The following RYR3 variants were observed in gnomAD, a reference collection of about 807,000 sequenced individuals.
RYR3 encodes the protein ryanodine receptor 3.
Under a neutral mutation model 584.3 loss-of-function variants are expected in RYR3, and 207 were observed. The observed-to-expected ratio is 0.35, with a 90% CI of 0.32 to 0.40. The LOEUF (loss-of-function observed/expected upper bound fraction) is 0.40. Ranked by LOEUF, RYR3 falls within the 10% of genes least tolerant of loss-of-function variation. RYR3 has a pLI of 1.00. For synonymous variants in RYR3, 2,416 were observed against 2,248.5 expected (o/e 1.07, Z -2.11); for missense variants, 5,616 against 6,089.2 (o/e 0.92, Z 2.59).
intron 53 of RYR3, among the ~76,000 whole-genome samples, chr15:33,747,419 CTTTTTTTTTTTTTT>C (rs397854038): frequency 3.8e-4 from 27 of 71,914 alleles, no homozygotes; most frequent in Non-Finnish European, 4.8e-4. Flanking sequence ...TGTTGTCACC[CTTTTTTTTTTTTTT>C]TTTTTTTTGA....
intron 1 of RYR3, among the ~76,000 whole-genome samples, chr15:33,442,210 A>G (rs533587790): frequency 2.3e-4 from 35 of 152,240 alleles, no homozygotes; most frequent in South Asian, 8.3e-4. Context: ...ACATTAATTA[A>G]TGTAATAAAT....
chr15:33,790,870 T>G (rs1394712066), intron 67 of RYR3, among the ~76,000 whole-genome samples: 1 of 151,986 alleles, frequency 6.6e-6, no homozygotes, highest in Non-Finnish European at 1.5e-5. Flanking sequence ...GCCAACAGAA[T>G]GTTGTATCCT....
intron 27 of RYR3, 64 bp downstream of exon 27, chr15:33,636,614 G>T (rs1024714781): frequency 5.7e-6 from 8 of 1,396,396 alleles, no homozygotes; most frequent in Non-Finnish European, 7.8e-6. Context: ...AGGGAGAGCT[G>T]AGCGACCTGC....
chr15:33,533,694 T>A (rs2055073524), intron 5 of RYR3, among the ~76,000 whole-genome samples: 1 of 152,194 alleles, frequency 6.6e-6, no homozygotes, highest in Non-Finnish European at 1.5e-5. Flanking sequence ...GAACCAATGA[T>A]ACTAAATGAC....
intron 98 of RYR3, among the ~76,000 whole-genome samples, chr15:33,857,438 T>TACTC: frequency 6.6e-6 from 1 of 152,172 alleles, no homozygotes; most frequent in East Asian, 1.9e-4. Flanking sequence ...CAGTTTAACT[T>TACTC]ACTCACCTCT....
chr15:33,748,663 C>T (rs2152846531), intron 55 of RYR3, 133 bp downstream of exon 55: 1 of 782,076 alleles, frequency 1.3e-6, no homozygotes, highest in Admixed American at 2.1e-5. Flanking sequence ...AAGACGGTCA[C>T]CTTGTGCAGA....
chr15:33,847,970 A>C (rs1471837057), intron 93 of RYR3, among the ~76,000 whole-genome samples: 1 of 152,214 alleles, frequency 6.6e-6, no homozygotes, highest in Non-Finnish European at 1.5e-5. Context: ...GAGCCTTAGG[A>C]GTCCTAACTC....
intron 43 of RYR3, among the ~76,000 whole-genome samples, chr15:33,714,385 G>A (rs562153971): frequency 6.6e-6 from 1 of 152,048 alleles, no homozygotes; most frequent in South Asian, 2.1e-4. Context: ...TTGTCTTTAA[G>A]AAAATGTTTT....
At chr15:33,452,975 C>A (rs562208624) in intron 1 of RYR3, among the ~76,000 whole-genome samples, 1 of 152,298 alleles carries the variant, frequency 6.6e-6, no homozygotes, top group African/African-American at 2.4e-5. Context: ...AGCAAATCTT[C>A]ATACCAACAT....
intron 92 of RYR3, among the ~76,000 whole-genome samples, chr15:33,844,327 C>T (rs532644142): frequency 6.6e-6 from 1 of 152,110 alleles, no homozygotes; most frequent in Non-Finnish European, 1.5e-5. Flanking sequence ...GACAGCCATC[C>T]AAGAAGAGAA....
At chr15:33,543,585 T>G in intron 7 of RYR3, 37 bp from the exon 8 acceptor site, 4 of 1,311,208 alleles carry the variant, frequency 3.1e-6, no homozygotes, top group Non-Finnish European at 4.4e-6. Context: ...TTCATTAAAC[T>G]TCCCATCATT....
intron 5 of RYR3, among the ~76,000 whole-genome samples, chr15:33,534,861 G>A (rs555776839): frequency 5.3e-5 from 8 of 152,312 alleles, no homozygotes; most frequent in South Asian, 4.1e-4. Context: ...CTGACCATCC[G>A]TCAAGGGCAT....
intron 1 of RYR3, among the ~76,000 whole-genome samples, chr15:33,470,598 G>T (rs1237941937): frequency 1.3e-5 from 2 of 152,194 alleles, no homozygotes; most frequent in African/African-American, 4.8e-5. Context: ...GAGAGAAAAT[G>T]GGTCTGTAAA....
intron 69 of RYR3, among the ~76,000 whole-genome samples, chr15:33,805,756 C>CG (rs1237544666): frequency 2.6e-5 from 4 of 152,002 alleles, no homozygotes; most frequent in Non-Finnish European, 4.4e-5. Flanking sequence ...GGATTACAGG[C>CG]TTGAGCCACC....
At chr15:33,863,263 C>A (rs7183856) in intron 102 of RYR3, among the ~76,000 whole-genome samples, 119,766 of 152,128 alleles carry the variant, frequency 0.79, 47,854 homozygotes, top group East Asian at 0.99. Flanking sequence ...TCAGCCCCTA[C>A]GTATCAAACA....
intron 41 of RYR3, 52 bp downstream of exon 41, chr15:33,699,885 C>T: frequency 6.3e-7 from 1 of 1,579,848 alleles, no homozygotes; most frequent in Non-Finnish European, 8.7e-7. Context: ...GTTACACTCC[C>T]CCTTTTGACC....
intron 1 of RYR3, among the ~76,000 whole-genome samples, chr15:33,402,433 A>G (rs2042742863): frequency 6.6e-6 from 1 of 152,234 alleles, no homozygotes; most frequent in African/African-American, 2.4e-5. Flanking sequence ...TTCATAAACC[A>G]GTTGTATCAA....
intron 38 of RYR3, among the ~76,000 whole-genome samples, chr15:33,675,386 C>G (rs1483793885): frequency 6.6e-6 from 1 of 152,204 alleles, no homozygotes; most frequent in East Asian, 1.9e-4. Flanking sequence ...AACTTCAAAA[C>G]TTTGTCAACC....
intron 51 of RYR3, among the ~76,000 whole-genome samples, chr15:33,741,591 A>G (rs1567069691): frequency 6.7e-6 from 1 of 149,616 alleles, no homozygotes; most frequent in South Asian, 2.2e-4. Flanking sequence ...TGTACTGCCA[A>G]AATTCTAGTT....
Sources: gnomAD v4.1 joint callset for allele counts (sites outside exome capture counted in the v4.1 genomes callset) on GRCh38, gnomAD v4.1.1 for gene constraint, MANE v1.5 for transcripts, NCBI Gene and HGNC (gene_info 2026-07-23, HGNC 2026-07-21) for gene names.